Variants in DPYD observed in about 807,000 individuals in gnomAD.
DPYD encodes the protein dihydropyrimidine dehydrogenase.
A neutral mutation model predicts 116.2 loss-of-function variants in DPYD; 109 were observed. The ratio of observed to expected loss-of-function variants is 0.94; its 90% CI spans 0.80 to 1.10. The LOEUF (loss-of-function observed/expected upper bound fraction) is 1.10. Among genes scored for constraint, DPYD ranks in the 50% least tolerant of loss-of-function variants. The pLI is 0.00. For missense variants in DPYD, 1,302 were observed against 1,254.5 expected, an observed-to-expected ratio of 1.04 and a Z score of -0.57; for synonymous variants, 440 against 432.0, an observed-to-expected ratio of 1.02 and a Z score of -0.23.
chr1:97,234,735 C>A, intron 19 of DPYD, 117 bp downstream of exon 19: 1 of 1,289,436 alleles, frequency 7.8e-7, no homozygotes, highest in Non-Finnish European at 1.1e-6. Flanking sequence ...ATTTTGATCC[C>A]AAATGGCCTC....
At chr1:97,510,311 C>T (rs947824321) in intron 13 of DPYD, among the ~76,000 whole-genome samples, 13 of 148,078 alleles carry the variant, frequency 8.8e-5, no homozygotes, top group Admixed American at 2.8e-4. Flanking sequence ...TTGCTATGGA[C>T]AAGTGATTGC....
At chr1:97,410,247 C>G (rs1301222177) in intron 14 of DPYD, among the ~76,000 whole-genome samples, 1 of 152,024 alleles carries the variant, frequency 6.6e-6, no homozygotes, top group East Asian at 1.9e-4. Flanking sequence ...GTTTTGGATA[C>G]AGAATACTGC....
chr1:97,706,540 C>T (rs982568865), intron 5 of DPYD, among the ~76,000 whole-genome samples: 5 of 152,058 alleles, frequency 3.3e-5, no homozygotes, highest in African/African-American at 9.7e-5. Context: ...TCACCTTCTC[C>T]CCAGCAATCA....
chr1:97,538,046 A>G (rs1650149362), intron 12 of DPYD, among the ~76,000 whole-genome samples: 1 of 150,614 alleles, frequency 6.6e-6, no homozygotes, highest in South Asian at 2.1e-4. Flanking sequence ...CAGCCTGGGC[A>G]ACAATAGTGA....
At chr1:97,774,158 C>A (rs1253285153) in intron 3 of DPYD, among the ~76,000 whole-genome samples, 2 of 152,166 alleles carry the variant, frequency 1.3e-5, no homozygotes, top group Non-Finnish European at 2.9e-5. Context: ...ACCACCGTTG[C>A]ATGCCCTGTG....
At chr1:97,556,334 T>TTA (rs1553194727) in intron 11 of DPYD, among the ~76,000 whole-genome samples, 1 of 151,734 alleles carries the variant, frequency 6.6e-6, no homozygotes, top group Non-Finnish European at 1.5e-5. Flanking sequence ...CCTTTTTTTT[T>TTA]ATTTTATTTT....
intron 2 of DPYD, among the ~76,000 whole-genome samples, chr1:97,879,140 C>T (rs909453095): frequency 9.2e-5 from 14 of 152,006 alleles, no homozygotes; most frequent in Non-Finnish European, 1.6e-4. Flanking sequence ...CTTCCATGTG[C>T]CTCAATTCCC....
intron 11 of DPYD, among the ~76,000 whole-genome samples, chr1:97,573,517 G>A (rs1029700590): frequency 6.6e-6 from 1 of 152,098 alleles, no homozygotes; most frequent in Non-Finnish European, 1.5e-5. Context: ...AGTAGAATAT[G>A]TGTTTTGGTT....
intron 16 of DPYD, among the ~76,000 whole-genome samples, chr1:97,366,287 T>G (rs564786826): frequency 6.6e-6 from 1 of 152,132 alleles, no homozygotes; most frequent in Admixed American, 6.6e-5. Context: ...TTTTTTTTGA[T>G]TAGAGATAGT....
intron 21 of DPYD, among the ~76,000 whole-genome samples, chr1:97,092,878 A>C (rs1173513887): frequency 6.6e-6 from 1 of 152,150 alleles, no homozygotes; most frequent in Non-Finnish European, 1.5e-5. Context: ...TGCCTAATAT[A>C]ATGAGAATCA....
intron 8 of DPYD, among the ~76,000 whole-genome samples, chr1:97,651,800 A>C (rs1456435060): frequency 1.3e-5 from 2 of 152,156 alleles, no homozygotes; most frequent in Non-Finnish European, 2.9e-5. Context: ...GGTACACAAT[A>C]ATAATAAATT....
chr1:97,269,713 C>G (rs1448033687), intron 18 of DPYD, among the ~76,000 whole-genome samples: 1 of 152,110 alleles, frequency 6.6e-6, no homozygotes, highest in Non-Finnish European at 1.5e-5. Flanking sequence ...GCTCTGATAT[C>G]TCTTCCTCTT....
At position 97,384,973 on chromosome 1, in the gene DPYD, C is replaced by T. The variant is rs1005952154; in HGVS notation, c.1906-2512G>A. ...ATTGAGTTTAGGATTCAATTTTTTT[C>T]GTCTAGTGAAACTACAGCTTTTCAG... On this transcript the variant is annotated intron_variant, in intron 14 of 22. Transcript: ENST00000370192. Among the ~76,000 whole-genome samples the T allele has an allele frequency of 8.6e-5, 13 of 151,978 alleles. 1 individual carries two copies. The highest frequency in any genetic ancestry group is 2.6e-4 in the Admixed American group (4 of 15,266).
chr1:97,287,790 G>A (rs1187821953), intron 18 of DPYD, among the ~76,000 whole-genome samples: 1 of 152,080 alleles, frequency 6.6e-6, no homozygotes, highest in Non-Finnish European at 1.5e-5. Context: ...GAAACTCTCA[G>A]TATTAGGGTG....
rs1488814458 is a variant in DPYD at position 97,751,466 on chromosome 1, A to G, written c.234-10987T>C. ...TGTGTGTGTGTGTGTGTGTGTATAT[A>G]TATATATATATATATATATATATAT... On this transcript the variant is annotated intron_variant, in intron 3 of 22. Coordinates refer to ENST00000370192, the MANE Select transcript of DPYD (RefSeq NM_000110.4). Among the ~76,000 whole-genome samples, 135 of 76,964 alleles carry G rather than the reference A, an allele frequency of 1.8e-3. 1 individual carries two copies. Among genetic ancestry groups the G allele is most frequent in the African/African-American group, 4.1e-3 (82 of 19,986 alleles). 50.5% of individuals were successfully genotyped at this position (76,964 alleles called of 152,430 possible).
intron 8 of DPYD, among the ~76,000 whole-genome samples, chr1:97,669,304 TTA>T (rs1302824408): frequency 6.6e-6 from 1 of 152,184 alleles, no homozygotes; most frequent in Non-Finnish European, 1.5e-5. Flanking sequence ...TTTTAAGAGT[TTA>T]TGTTTCTGAC....
chr1:97,238,026 A>C (rs1399279432), intron 18 of DPYD, among the ~76,000 whole-genome samples: 1 of 152,154 alleles, frequency 6.6e-6, no homozygotes, highest in Non-Finnish European at 1.5e-5. Context: ...AGCTTTGAAA[A>C]ATTAACCAGT....
At chr1:97,436,348 A>C (rs1675472845) in intron 14 of DPYD, among the ~76,000 whole-genome samples, 1 of 151,948 alleles carries the variant, frequency 6.6e-6, no homozygotes, top group Non-Finnish European at 1.5e-5. Flanking sequence ...TTTTATTTTC[A>C]TTTTTTGACA....
chr1:97,516,522 G>A (rs1648247662), intron 12 of DPYD, among the ~76,000 whole-genome samples: 1 of 152,028 alleles, frequency 6.6e-6, no homozygotes, highest in Admixed American at 6.6e-5. Context: ...TGGAAAGTGG[G>A]TAGTGTTCTC....
Sources: allele counts gnomAD v4.1 joint callset (sites outside exome capture counted in the v4.1 genomes callset), GRCh38; gene constraint gnomAD v4.1.1; transcripts MANE v1.5; gene names NCBI Gene and HGNC (gene_info 2026-07-23, HGNC 2026-07-21).